Variants in KIAA2012 observed in about 807,000 individuals in gnomAD.
KIAA2012 encodes KIAA2012.
KIAA2012 carries 125 observed loss-of-function variants against 150.6 expected under a neutral mutation model. The ratio of observed to expected loss-of-function variants is 0.83; its 90% CI spans 0.72 to 0.96. KIAA2012 has a LOEUF of 0.96. Among genes scored for constraint, KIAA2012 ranks in the 40% least tolerant of loss-of-function variants. The pLI, the probability that KIAA2012 is intolerant of heterozygous loss-of-function variation, is 0.00. For synonymous variants in KIAA2012, 462 were observed against 504.7 expected (o/e 0.92, Z 1.13); for missense variants, 1,219 against 1,354.9 (o/e 0.90, Z 1.57).
intron 12 of KIAA2012, chr2:202,137,315 CT>C (rs11336637): frequency 0.31 from 38,152 of 121,472 alleles, 4,355 homozygotes; most frequent in East Asian, 0.49. Flanking sequence ...ATTAAAGTTA[CT>C]TTTTTTTTTT....
chr2:202,146,303 G>A (rs1032639479), intron 13 of KIAA2012, among the ~76,000 whole-genome samples: 1 of 152,068 alleles, frequency 6.6e-6, no homozygotes, highest in Non-Finnish European at 1.5e-5. Context: ...AGGAGTTTGA[G>A]ACCAGCCTGG....
At chr2:202,187,254 C>T (rs999919447) in intron 17 of KIAA2012, among the ~76,000 whole-genome samples, 156 bp downstream of exon 17, 1 of 152,108 alleles carries the variant, frequency 6.6e-6, no homozygotes, top group African/African-American at 2.4e-5. Flanking sequence ...CTTACCAAGC[C>T]CTGCACAGCC....
intron 15 of KIAA2012, among the ~76,000 whole-genome samples, chr2:202,182,257 T>C (rs1339637267): frequency 6.6e-6 from 1 of 151,562 alleles, no homozygotes; most frequent in Non-Finnish European, 1.5e-5. Context: ...GATTACAGGC[T>C]TGCACCACCA....
chr2:202,126,067 G>C (rs894103750), intron 12 of KIAA2012, among the ~76,000 whole-genome samples: 4 of 146,472 alleles, frequency 2.7e-5, no homozygotes, highest in African/African-American at 1.0e-4. Flanking sequence ...CAATTCTCCT[G>C]CCTCAGCCTC....
At chr2:202,173,635 CTAAA>C (rs1289818669) in intron 15 of KIAA2012, among the ~76,000 whole-genome samples, 4 of 152,060 alleles carry the variant, frequency 2.6e-5, no homozygotes, top group South Asian at 2.1e-4. Flanking sequence ...TACAAAACTC[CTAAA>C]TAAACTATTA....
At chr2:202,132,743 A>ATG (rs1188073064) in intron 12 of KIAA2012, among the ~76,000 whole-genome samples, 56,987 of 107,908 alleles carry the variant, frequency 0.53, 16,663 homozygotes, top group African/African-American at 0.57. Context: ...ATATGTATAT[A>ATG]TATAGTATAT....
intron 22 of KIAA2012, 149 bp downstream of exon 22, chr2:202,197,168 C>A (rs964845550): frequency 4.2e-5 from 50 of 1,190,266 alleles, no homozygotes; most frequent in Non-Finnish European, 5.5e-5. Context: ...TAGAGGGATT[C>A]TTTTGCTGCA....
intron 13 of KIAA2012, among the ~76,000 whole-genome samples, chr2:202,142,793 C>T (rs2105946515): frequency 6.6e-6 from 1 of 152,188 alleles, no homozygotes; most frequent in East Asian, 1.9e-4. Flanking sequence ...ATGGCAGTTT[C>T]ACCCTCAGTG....
At chr2:202,127,977 G>T (rs1184474624) in intron 12 of KIAA2012, among the ~76,000 whole-genome samples, 3 of 151,630 alleles carry the variant, frequency 2.0e-5, no homozygotes, top group Admixed American at 6.6e-5. Flanking sequence ...CCCTCCCCTA[G>T]CCCCTGGCAA....
intron 13 of KIAA2012, 132 bp from the exon 14 acceptor site, chr2:202,154,541 A>G: frequency 1.3e-6 from 1 of 799,358 alleles, no homozygotes; most frequent in Non-Finnish European, 1.9e-6. Context: ...CAACAGTAAC[A>G]ATAGTTGCTG....
At chr2:202,200,811 A>G (rs553976123) in intron 22 of KIAA2012, among the ~76,000 whole-genome samples, 2 of 149,250 alleles carry the variant, frequency 1.3e-5, no homozygotes, top group South Asian at 4.2e-4. Context: ...GATTCAAGCA[A>G]TTCTCCTGCC....
rs59728832 is a variant in KIAA2012 at position 202,087,510 on chromosome 2, C to CAAAAAAAAAAAAAA, written c.370-3248_370-3235dup. Among the ~76,000 whole-genome samples the CAAAAAAAAAAAAAA allele has an allele frequency of 5.7e-5, 3 of 52,524 alleles. 1 individual carries two copies. Among genetic ancestry groups the CAAAAAAAAAAAAAA allele is most frequent in the Admixed American group, 5.5e-4 (2 of 3,664 alleles). 34.5% of individuals were successfully genotyped at this position (52,524 alleles called of 152,430 possible). A position where few individuals can be genotyped will look rare whatever the true frequency, so the allele number is the denominator to read the frequency against. Reference sequence around the variant, plus strand: ...CCTGGTTGACAAAGCGAAACCATCTCAAAAAAAAAAAAAAAAAAAAAAAAA... The same window carrying CAAAAAAAAAAAAAA: ...CCTGGTTGACAAAGCGAAACCATCTCAAAAAAAAAAAAAAAAAAAAAAAAAAAAAAAAAAAAAAA... On this transcript the variant is annotated intron_variant, in intron 2 of 23. Transcript: ENST00000498697.
At chr2:202,199,249 T>G (rs1443877236) in intron 22 of KIAA2012, among the ~76,000 whole-genome samples, 1 of 152,166 alleles carries the variant, frequency 6.6e-6, no homozygotes, top group Non-Finnish European at 1.5e-5. Context: ...CCAGGTACTT[T>G]AACTTCTCTG....
chr2:202,093,730 C>T (rs1689793001), intron 4 of KIAA2012, among the ~76,000 whole-genome samples: 1 of 152,066 alleles, frequency 6.6e-6, no homozygotes. Flanking sequence ...TCTGTTTGCT[C>T]ATCTCTGTAA....
At chr2:202,128,595 G>A (rs531185469) in intron 12 of KIAA2012, among the ~76,000 whole-genome samples, 1 of 152,022 alleles carries the variant, frequency 6.6e-6, no homozygotes, top group East Asian at 1.9e-4. Context: ...CTTTTTAAGG[G>A]CAGGGGCCCA....
At chr2:202,180,739 C>T (rs1053511247) in intron 15 of KIAA2012, among the ~76,000 whole-genome samples, 5 of 152,102 alleles carry the variant, frequency 3.3e-5, no homozygotes, top group African/African-American at 1.2e-4. Flanking sequence ...GGATGAGAAT[C>T]GGTTGAACCC....
At chr2:202,138,924 C>T (rs562247205) in intron 13 of KIAA2012, among the ~76,000 whole-genome samples, 1 of 152,240 alleles carries the variant, frequency 6.6e-6, no homozygotes, top group East Asian at 1.9e-4. Flanking sequence ...GATGGTGCTT[C>T]ATCTAGATAC....
At chr2:202,172,429 A>G (rs1296966918) in intron 15 of KIAA2012, among the ~76,000 whole-genome samples, 1 of 152,224 alleles carries the variant, frequency 6.6e-6, no homozygotes, top group African/African-American at 2.4e-5. Context: ...TTATGGCAGT[A>G]TGTTTTTTAA....
At chr2:202,155,285 A>G (rs1472357990) in intron 14 of KIAA2012, among the ~76,000 whole-genome samples, 2 of 152,162 alleles carry the variant, frequency 1.3e-5, no homozygotes, top group African/African-American at 2.4e-5. Flanking sequence ...TTGATCTCAC[A>G]AGCTCAGCTT....
Sources: gnomAD v4.1 joint callset for allele counts (sites outside exome capture counted in the v4.1 genomes callset) on GRCh38, gnomAD v4.1.1 for gene constraint, MANE v1.5 for transcripts, NCBI Gene and HGNC (gene_info 2026-07-23, HGNC 2026-07-21) for gene names.